Variants in SNRNP35 observed in about 807,000 individuals in gnomAD.
SNRNP35 encodes the protein small nuclear ribonucleoprotein U11/U12 subunit 35, also known as U11/U12 small nuclear ribonucleoprotein 35 kDa protein.
In SNRNP35, 16 loss-of-function variants were observed where a neutral mutation model predicts 24.3. The observed-to-expected ratio is 0.66, with a 90% confidence interval of 0.45 to 1.00. The LOEUF is 1.00. Among genes scored for constraint, SNRNP35 ranks in the 50% least tolerant of loss-of-function variants. The pLI is 0.00. For synonymous variants in SNRNP35, 106 were observed against 124.8 expected, an observed-to-expected ratio of 0.85 and a Z score of 1.00; for missense variants, 292 against 327.2, an observed-to-expected ratio of 0.89 and a Z score of 0.83.
At chr12:123,463,126 T>G (rs966401070) in intron 1 of SNRNP35, among the ~76,000 whole-genome samples, 1 of 152,138 alleles carries the variant, frequency 6.6e-6, no homozygotes, top group Non-Finnish European at 1.5e-5. Flanking sequence ...AGTGGCATGA[T>G]CAAGGCTCAC....
chr12:123,463,601 C>T (rs28769008), intron 1 of SNRNP35, among the ~76,000 whole-genome samples: 13,645 of 151,092 alleles, frequency 0.09, 796 homozygotes, highest in Non-Finnish European at 0.13. Context: ...TGGTCTCAAA[C>T]TCCTTGGCCA....
intron 1 of SNRNP35, among the ~76,000 whole-genome samples, chr12:123,463,336 A>G (rs1011148034): frequency 6.6e-6 from 1 of 151,514 alleles, no homozygotes; most frequent in African/African-American, 2.4e-5. Flanking sequence ...TACTGGGATT[A>G]CAGGTGTGAG....
intron 1 of SNRNP35, among the ~76,000 whole-genome samples, chr12:123,462,678 A>G (rs944780707): frequency 6.6e-6 from 1 of 151,892 alleles, no homozygotes; most frequent in African/African-American, 2.4e-5. Context: ...TTTAGTAGAT[A>G]TGGGGTTTCA....
At chr12:123,470,362 A>C (rs1428212981), downstream of SNRNP35, 1 of 151,464 alleles carries the variant, frequency 6.6e-6, no homozygotes, top group Non-Finnish European at 1.5e-5. Flanking sequence ...AGTACCAGCT[A>C]CTTGGGAGGC....
At chr12:123,469,751 A>C (rs1420659396), downstream of SNRNP35, among the ~76,000 whole-genome samples, 1 of 151,886 alleles carries the variant, frequency 6.6e-6, no homozygotes, top group African/African-American at 2.4e-5. Context: ...GATCCTCCCT[A>C]CTTGACCTCC....
Position 123,465,245 on chromosome 12 carries a change from C to A in SNRNP35, c.-3-293C>A, listed in dbSNP as rs890254019. ...GTGTTCATAGTTGGTAAGTGCCCTT[C>A]CGTGGCTGAGCCAGATGCTGCATAT... On this transcript the variant is annotated intron_variant, in intron 1 of 1. Transcript: ENST00000526639. This position sits in a 1 kb window ranked among gnomAD's most constrained non-coding sequence, Gnocchi z 4.2. Among the ~76,000 whole-genome samples, 1 of 152,186 alleles carries A rather than the reference C, an allele frequency of 6.6e-6. No homozygotes were observed. The highest frequency in any genetic ancestry group is 1.5e-5 in the Non-Finnish European group (1 of 68,032).
rs977160224 is a variant in SNRNP35, at chr12:123,466,060, G to A, written c.520G>A (p.Asp174Asn). The A allele has an allele frequency of 1.7e-5, 28 of 1,613,958 alleles. No homozygotes were observed. Among genetic ancestry groups the A allele is most frequent in the African/African-American group, 2.7e-5 (2 of 74,870 alleles). The part of the protein sequence containing the change: ...KPINLPVVKN[D>N]LYREGKRERR... The stretch of plus-strand genomic sequence containing the variant: ...TATTAACTTGCCAGTTGTTAAAAAC[G>A]ACCTCTATAGAGAGGGAAAACGGGA... Residue 174 changes from aspartate to asparagine, a missense_variant, in exon 2 of 2, where the codon GAC becomes AAC. Asp to Asn is a conservative substitution (Grantham distance 23). Transcript: ENST00000526639.
At chr12:123,472,450 C>G (rs1881251715) in exon 2 of SNRNP35, 5 of 1,445,864 alleles carry the variant, frequency 3.5e-6, no homozygotes, top group Non-Finnish European at 4.7e-6. Flanking sequence ...CACCGAGAGG[C>G]TTGAGGCAGC....
chr12:123,471,900 A>G (rs1881212355), downstream of SNRNP35: 1 of 153,188 alleles, frequency 6.5e-6, no homozygotes, highest in Non-Finnish European at 1.5e-5. Context: ...GAACATTGCT[A>G]CATGCTCTAG....
Position 123,465,464 on chromosome 12 carries a change from AT to A in SNRNP35, c.-3-73del. 1 of 1,468,420 alleles carries A rather than the reference AT, an allele frequency of 6.8e-7. No homozygotes were observed. Among genetic ancestry groups the A allele is most frequent in the Non-Finnish European group, 9.1e-7 (1 of 1,100,644 alleles). 91.0% of individuals were successfully genotyped at this position (1,468,420 alleles called of 1,614,324 possible). A position where few individuals can be genotyped will look rare whatever the true frequency, so the allele number is the denominator to read the frequency against. On this transcript the variant is annotated intron_variant, in intron 1 of 1. Coordinates refer to ENST00000526639, the MANE Select transcript of SNRNP35 (RefSeq NM_022717.4). The surrounding 1 kb of genome is among the most constrained non-coding windows in gnomAD (Gnocchi z 4.2). ...AGAGGTGAATGATAGTATCCTTTTC[AT>A]GGCATTGTTGTAAGGGTTGAATGAG...
intron 1 of SNRNP35, among the ~76,000 whole-genome samples, chr12:123,460,252 T>C (rs1880533058): frequency 6.6e-6 from 1 of 152,102 alleles, no homozygotes; most frequent in Admixed American, 6.6e-5. Context: ...TATCTTTATC[T>C]CCAAAACCTT....
At chr12:123,468,094 C>T (rs1881037711), downstream of SNRNP35, among the ~76,000 whole-genome samples, 2 of 152,108 alleles carry the variant, frequency 1.3e-5, no homozygotes, top group Admixed American at 6.6e-5. Flanking sequence ...GCACGGTGCT[C>T]ACGGCTGTGA....
At chr12:123,471,301 A>T (rs1398793858), downstream of SNRNP35, 1 of 152,002 alleles carries the variant, frequency 6.6e-6, no homozygotes, top group Non-Finnish European at 1.5e-5. Flanking sequence ...CGAACTCCGG[A>T]CCTCAAGTGA....
chr12:123,461,490 C>A (rs958347325), intron 1 of SNRNP35, among the ~76,000 whole-genome samples: 1 of 151,948 alleles, frequency 6.6e-6, no homozygotes, highest in Non-Finnish European at 1.5e-5. Context: ...GAGTTAGAGC[C>A]AGAGCCCAGA....
In SNRNP35 at chr12:123,465,858, C is replaced by T; in HGVS notation, c.318C>T (p.Ile106=). The T allele has an allele frequency of 6.2e-7, 1 of 1,613,946 alleles. No homozygotes were observed. The highest frequency in any genetic ancestry group is 8.5e-7 in the Non-Finnish European group (1 of 1,180,020). ...AATACAAGGAGGAGCGTGCCGTGAT[C>T]AAAGCTTACCGAGATGCTGATGGCC... ...FIEYKEERAV[I]KAYRDADGLV... is the part of the protein sequence containing the mutation. The change falls in exon 2 of 2, where the codon ATC becomes ATT. Residue 106 remains isoleucine, a synonymous_variant. Transcript: ENST00000526639. This position sits in a 1 kb window ranked among gnomAD's most constrained non-coding sequence, Gnocchi z 4.2.
intron 1 of SNRNP35, among the ~76,000 whole-genome samples, chr12:123,460,697 C>CATG (rs1347009909): frequency 6.6e-6 from 1 of 151,346 alleles, no homozygotes; most frequent in East Asian, 1.9e-4. Context: ...TGCAGTGAGC[C>CATG]ATGACTGTGC....
At chr12:123,469,194 G>C (rs1228578697), downstream of SNRNP35, among the ~76,000 whole-genome samples, 7 of 151,536 alleles carry the variant, frequency 4.6e-5, no homozygotes, top group Non-Finnish European at 1.0e-4. Flanking sequence ...TCGCTCTGTC[G>C]CCCAGGCTGG....
intron 1 of SNRNP35, among the ~76,000 whole-genome samples, chr12:123,461,006 A>G (rs1403089123): frequency 8.4e-6 from 1 of 118,388 alleles, no homozygotes; most frequent in East Asian, 2.4e-4. Context: ...GGGTCTCACC[A>G]TGTTTCCCAT....
chr12:123,458,984 T>A (rs1229743672), intron 1 of SNRNP35: 1 of 152,210 alleles, frequency 6.6e-6, no homozygotes, highest in Non-Finnish European at 1.5e-5. Flanking sequence ...TCGCCCAGGC[T>A]GGAGAGCGGT....
Sources: gnomAD v4.1 joint callset for allele counts (sites outside exome capture counted in the v4.1 genomes callset) on GRCh38, gnomAD v4.1.1 for gene constraint, Gnocchi (gnomAD v3.1) non-coding constraint, MANE v1.5 for transcripts, NCBI Gene and HGNC (gene_info 2026-07-23, HGNC 2026-07-21) for gene names.